Variants in SLC7A8 observed in about 807,000 individuals in gnomAD.
The protein encoded by SLC7A8 is large neutral amino acids transporter small subunit 2.
SLC7A8 carries 30 observed loss-of-function variants against 51.2 expected under a neutral mutation model. The observed-to-expected ratio is 0.59, with a 90% CI of 0.44 to 0.80. SLC7A8 has a LOEUF of 0.80. Among genes scored for constraint, SLC7A8 ranks in the 30% least tolerant of loss-of-function variants. SLC7A8 has a pLI of 0.00. For synonymous variants in SLC7A8, 257 were observed against 275.8 expected, an observed-to-expected ratio of 0.93 and a Z score of 0.67; for missense variants, 612 against 674.4, an observed-to-expected ratio of 0.91 and a Z score of 1.03.
chr14:23,129,641 T>C lies in SLC7A8; in HGVS notation c.1263+9A>G. ...AAGGGGAGGGGACCCCAAAGGGAGT[T>C]TCTCTCACCTTGATGGGGCGGGGGA... On this transcript the variant is annotated intron_variant, in intron 9 of 10. Transcript: ENST00000316902. The C allele has an allele frequency of 6.2e-7, 1 of 1,613,382 alleles. No individual in the cohort carries two copies. The highest frequency in any genetic ancestry group is 1.7e-4 in the Middle Eastern group (1 of 6,054).
chr14:23,139,562 G>A lies in SLC7A8; in HGVS notation c.789-15C>T. ...TGGGAAGGTTCCTGTAGAGGGAGAG[G>A]AGGTGAGGGGAAGGGCTGGCACCCG... is the stretch of plus-strand genomic sequence containing the variant. On this transcript the variant is annotated splice_polypyrimidine_tract_variant and intron_variant, in intron 5 of 10. Coordinates refer to ENST00000316902, the MANE Select transcript of SLC7A8 (RefSeq NM_012244.4). The A allele has an allele frequency of 6.2e-7, 1 of 1,609,892 alleles. No individual in the cohort carries two copies. The highest frequency in any genetic ancestry group is 8.5e-7 in the Non-Finnish European group (1 of 1,177,224).
chr14:23,143,226 C>T lies in SLC7A8; in HGVS notation c.509-22G>A. The T allele has an allele frequency of 1.9e-6, 3 of 1,613,640 alleles. No individual in the cohort carries two copies. In the South Asian group the frequency reaches 3.3e-5, roughly 18 times the overall value. Reference sequence around the variant, plus strand: ...AGCACTGAAATGAAAGACCCCCAAACAGACCTTCAGGGGCTGTATCTGGCT... The same window carrying T: ...AGCACTGAAATGAAAGACCCCCAAATAGACCTTCAGGGGCTGTATCTGGCT... On this transcript the variant is annotated intron_variant, in intron 3 of 10. Transcript: ENST00000316902.
chr14:23,169,637 C>G (rs569391176), intron 1 of SLC7A8, among the ~76,000 whole-genome samples: 1 of 152,192 alleles, frequency 6.6e-6, no homozygotes, highest in South Asian at 2.1e-4. Flanking sequence ...GATCTCCTGA[C>G]CTCAAGTGAT....
At chr14:23,154,395 G>A (rs2048873293) in intron 3 of SLC7A8, 2 of 996,964 alleles carry the variant, frequency 2.0e-6, no homozygotes, top group South Asian at 9.4e-5. Context: ...GCCCAGGCTG[G>A]AGGTTGGAGC....
chr14:23,131,223 C>A (rs907789217), intron 8 of SLC7A8, among the ~76,000 whole-genome samples: 4 of 152,122 alleles, frequency 2.6e-5, no homozygotes, highest in African/African-American at 9.7e-5. Context: ...GATGGGAGAA[C>A]GGAAATAAGT....
At position 23,151,415 on chromosome 14, in the gene SLC7A8, G is replaced by A. The variant is rs139969438; in HGVS notation, c.509-8211C>T. 3.3e-5 allele frequency among the ~76,000 whole-genome samples: 5 copies of A among 152,284 alleles called. No homozygotes were observed. The East Asian group carries it at 9.6e-4, about 29-fold the overall frequency. ...AGTGCCCCGGATGCCAGACAGAGTT[G>A]TGGGGAGAGGGTACATATTGTGGCT... is the stretch of plus-strand genomic sequence containing the variant. On this transcript the variant is annotated intron_variant, in intron 3 of 10. Coordinates refer to ENST00000316902, the MANE Select transcript of SLC7A8 (RefSeq NM_012244.4).
intron 7 of SLC7A8, 34 bp downstream of exon 7, chr14:23,137,887 C>G (rs200412230): frequency 1.9e-6 from 3 of 1,608,746 alleles, no homozygotes; most frequent in Admixed American, 1.7e-5. Flanking sequence ...AGCAGAGTGG[C>G]CCCTGGCCGG....
chr14:23,150,693 C>A (rs2268878), intron 3 of SLC7A8, among the ~76,000 whole-genome samples: 125,118 of 152,154 alleles, frequency 0.82, 51,545 homozygotes, highest in East Asian at 0.9. Flanking sequence ...CTAAGAAAGT[C>A]AAAAAGAGCA....
At chr14:23,130,784 CA>C (rs889720365) in intron 8 of SLC7A8, among the ~76,000 whole-genome samples, 4 of 152,246 alleles carry the variant, frequency 2.6e-5, no homozygotes, top group African/African-American at 9.6e-5. Flanking sequence ...ACCAGTGGAC[CA>C]AAGTCATTTT....
chr14:23,136,120 T>A (rs2048687931), intron 7 of SLC7A8, among the ~76,000 whole-genome samples: 1 of 152,210 alleles, frequency 6.6e-6, no homozygotes, highest in South Asian at 2.1e-4. Context: ...GTAATTTGTG[T>A]ATGGAGTAGA....
chr14:23,147,393 A>G (rs866542852), intron 3 of SLC7A8, among the ~76,000 whole-genome samples: 2 of 152,226 alleles, frequency 1.3e-5, no homozygotes, highest in Non-Finnish European at 2.9e-5. Context: ...GATGCCCACA[A>G]AACAACGAGG....
At chr14:23,182,376 C>A (rs778459039) in intron 1 of SLC7A8, among the ~76,000 whole-genome samples, 2 of 152,192 alleles carry the variant, frequency 1.3e-5, no homozygotes, top group Non-Finnish European at 2.9e-5. Context: ...AAGCCCATCC[C>A]CAGCCTGGGA....
intron 10 of SLC7A8, among the ~76,000 whole-genome samples, 180 bp downstream of exon 10, chr14:23,127,839 C>A (rs1438756532): frequency 2.0e-5 from 3 of 152,100 alleles, no homozygotes; most frequent in African/African-American, 7.2e-5. Context: ...TGTTCTCTAC[C>A]CTCAGAGGTC....
intron 3 of SLC7A8, among the ~76,000 whole-genome samples, chr14:23,153,134 T>C (rs2048862026): frequency 6.6e-6 from 1 of 152,018 alleles, no homozygotes; most frequent in African/African-American, 2.4e-5. Context: ...CTTTTACAGA[T>C]GGGAGTCTCA....
chr14:23,177,341 C>A (rs958288949), intron 1 of SLC7A8, among the ~76,000 whole-genome samples: 1 of 152,214 alleles, frequency 6.6e-6, no homozygotes, highest in African/African-American at 2.4e-5. Context: ...CTGTCCAACC[C>A]TTGTTCAAAT....
At chr14:23,162,752 T>TCTTTGTGC (rs1428418250) in intron 3 of SLC7A8, among the ~76,000 whole-genome samples, 1 of 151,988 alleles carries the variant, frequency 6.6e-6, no homozygotes, top group Non-Finnish European at 1.5e-5. Flanking sequence ...CTTTGGAGGG[T>TCTTTGTGC]CTTTGTGCAA....
At chr14:23,163,163 A>C (rs1051855151) in intron 3 of SLC7A8, among the ~76,000 whole-genome samples, 2 of 152,128 alleles carry the variant, frequency 1.3e-5, no homozygotes, top group African/African-American at 2.4e-5. Context: ...GCCCACCCCC[A>C]GTGACTGATA....
At position 23,165,929 on chromosome 14, in the gene SLC7A8, G is replaced by A. The variant is rs1169983937; in HGVS notation, c.356+407C>T. Among the ~76,000 whole-genome samples, 3 of 152,050 alleles carry A rather than the reference G, an allele frequency of 2.0e-5. No homozygotes were observed. The highest frequency in any genetic ancestry group is 4.8e-5 in the African/African-American group (2 of 41,376). ...GATTAGGGCCCAGCTCTAGAGGGAG[G>A]CCATTATCCTTGGTAGTGTGAGAAG... On this transcript the variant is annotated intron_variant, in intron 2 of 10. Transcript: ENST00000316902. This position sits in a 1 kb window ranked among gnomAD's most constrained non-coding sequence, Gnocchi z 4.2.
rs374609954 is a variant in SLC7A8, at chr14:23,137,152, C to T, written c.1016+769G>A. Among the ~76,000 whole-genome samples, 11 of 152,270 alleles carry T rather than the reference C, an allele frequency of 7.2e-5. 1 individual carries two copies. The East Asian group carries it at 9.7e-4, about 13-fold the overall frequency. On this transcript the variant is annotated intron_variant, in intron 7 of 10. Transcript: ENST00000316902. ...TCAACATCTGCTAGCCTCAACAGCCCCTTCTGAAGACAGCAAAAGAAAGGG... is the reference window on the plus strand; with the variant it reads ...TCAACATCTGCTAGCCTCAACAGCCTCTTCTGAAGACAGCAAAAGAAAGGG...
Sources: gnomAD v4.1 joint callset for allele counts (sites outside exome capture counted in the v4.1 genomes callset) on GRCh38, gnomAD v4.1.1 for gene constraint, Gnocchi (gnomAD v3.1) non-coding constraint, MANE v1.5 for transcripts, NCBI Gene and HGNC (gene_info 2026-07-23, HGNC 2026-07-21) for gene names.